CLUAP1: variants seen among roughly 807,000 people sequenced by gnomAD.
The protein encoded by CLUAP1 is clusterin-associated protein 1.
A neutral mutation model predicts 55.0 loss-of-function variants in CLUAP1; 50 were observed. The ratio of observed to expected loss-of-function variants is 0.91; its 90% CI spans 0.72 to 1.15. The LOEUF (loss-of-function observed/expected upper bound fraction) is 1.15. Ranked by LOEUF, CLUAP1 falls within the 50% of genes most tolerant of loss-of-function variation. The pLI is 0.00. For synonymous variants in CLUAP1, 195 were observed against 175.4 expected, an observed-to-expected ratio of 1.11 and a Z score of -0.88; for missense variants, 530 against 507.6, an observed-to-expected ratio of 1.04 and a Z score of -0.42.
At chr16:3,519,773 G>C in intron 6 of CLUAP1, 130 bp from the exon 7 acceptor site, 1 of 805,770 alleles carries the variant, frequency 1.2e-6, no homozygotes, top group Admixed American at 2.8e-5. Flanking sequence ...GCTTGGGGAA[G>C]TGTCTATTTG....
intron 6 of CLUAP1, among the ~76,000 whole-genome samples, chr16:3,518,366 C>T (rs2037768846): frequency 6.6e-6 from 1 of 152,168 alleles, no homozygotes; most frequent in Non-Finnish European, 1.5e-5. Context: ...TCTCTTAAGA[C>T]TCCTTTCATT....
upstream of CLUAP1, chr16:3,496,548 G>T: frequency 3.6e-6 from 2 of 550,854 alleles, no homozygotes; most frequent in East Asian, 4.8e-5. Flanking sequence ...GGCATCCTCA[G>T]GGTGGGGGCC....
At chr16:3,509,769 G>C (rs1260100808) in intron 4 of CLUAP1, 1 of 152,326 alleles carries the variant, frequency 6.6e-6, no homozygotes, top group Non-Finnish European at 1.5e-5. Context: ...AGGCCTGCTA[G>C]GTGAGGCCTT....
chr16:3,526,492 T>C lies in CLUAP1; in HGVS notation c.928+8T>C. 1.3e-6 allele frequency: 2 copies of C among 1,599,554 alleles called. No individual in the cohort carries two copies. Among genetic ancestry groups the C allele is most frequent in the Non-Finnish European group, 1.7e-6 (2 of 1,174,742 alleles). On this transcript the variant is annotated splice_region_variant and intron_variant, in intron 9 of 11. Transcript: ENST00000576634. The stretch of plus-strand genomic sequence containing the variant: ...GCCTGCTCAAGAGTGGAAGTAAGGC[T>C]GGGCTTCGTAGACGAGCAGTTTACT...
At chr16:3,502,891 A>G (rs147093723) in intron 1 of CLUAP1, among the ~76,000 whole-genome samples, 612 of 152,344 alleles carry the variant, frequency 4.0e-3, no homozygotes, top group Non-Finnish European at 6.0e-3. Context: ...TATTTTGACA[A>G]TAACACCGCA....
chr16:3,515,700 T>A (rs1466537213), intron 6 of CLUAP1, 109 bp downstream of exon 6: 6 of 635,584 alleles, frequency 9.4e-6, no homozygotes, highest in Non-Finnish European at 1.5e-5. Context: ...AAGGGATGTG[T>A]TAGTGGGGAA....
chr16:3,523,273 C>A lies in CLUAP1; in HGVS notation c.829C>A (p.His277Asn). 6.2e-7 allele frequency: 1 copy of A among 1,613,162 alleles called. No individual in the cohort carries two copies. Among genetic ancestry groups the A allele is most frequent in the South Asian group, 1.1e-5 (1 of 90,852 alleles). ...TYLEQQLEDH[H>N]RMEQERFEEA... ...TCTGGAACAACAGCTTGAAGACCAT[C>A]ATAGGATGGAGCAAGAAAGGTTTGA... is the stretch of plus-strand genomic sequence containing the variant. The change falls in exon 8 of 12, where the codon CAT (histidine) becomes AAT (asparagine). Residue 277 changes from histidine to asparagine, a missense_variant. Physicochemically the swap from His to Asn is moderately conservative, Grantham distance 68. Coordinates refer to ENST00000576634, the MANE Select transcript of CLUAP1 (RefSeq NM_015041.3).
upstream of CLUAP1, among the ~76,000 whole-genome samples, chr16:3,500,417 C>T (rs1413988398): frequency 6.7e-6 from 1 of 150,332 alleles, no homozygotes; most frequent in Non-Finnish European, 1.5e-5. Context: ...GTCGCCAGGC[C>T]GAAGGGCAGT....
chr16:3,505,497 A>T (rs1209906958), intron 2 of CLUAP1, among the ~76,000 whole-genome samples: 1 of 147,612 alleles, frequency 6.8e-6, no homozygotes, highest in Non-Finnish European at 1.5e-5. Context: ...CAGTGAGCCG[A>T]GATAGCGCCA....
chr16:3,505,546 CAAAAAAAAA>C (rs1230388490), intron 2 of CLUAP1, among the ~76,000 whole-genome samples: 1 of 59,618 alleles, frequency 1.7e-5, no homozygotes, highest in Non-Finnish European at 3.9e-5. Flanking sequence ...GACTCCGTCT[CAAAAAAAAA>C]AAAAAAAAAA....
At chr16:3,497,456 A>C (rs961211927), upstream of CLUAP1, among the ~76,000 whole-genome samples, 7 of 152,238 alleles carry the variant, frequency 4.6e-5, no homozygotes, top group Admixed American at 2.6e-4. Context: ...CATGGACTGA[A>C]GACTTAATAT....
At chr16:3,501,149 C>T (rs368038749) in intron 1 of CLUAP1, 60 bp downstream of exon 1, 3 of 1,512,110 alleles carry the variant, frequency 2.0e-6, no homozygotes, top group East Asian at 2.4e-5. Context: ...GGCTCCCGCC[C>T]GCCGGGTCCC....
intron 5 of CLUAP1, among the ~76,000 whole-genome samples, chr16:3,514,045 C>G (rs1567428966): frequency 6.6e-6 from 1 of 152,230 alleles, no homozygotes; most frequent in Non-Finnish European, 1.5e-5. Flanking sequence ...GAAACTGCCA[C>G]TGACATCTGC....
rs141496640 is a variant in CLUAP1, at chr16:3,525,077, G to A, written c.856-1335G>A. On this transcript the variant is annotated intron_variant, in intron 8 of 11. Coordinates refer to ENST00000576634, the MANE Select transcript of CLUAP1 (RefSeq NM_015041.3). The stretch of plus-strand genomic sequence containing the variant: ...CTAACTGGGAGTACCTAACGCATCC[G>A]TGTGGACACATGTCATCTTGACGAG... 6.3e-3 allele frequency among the ~76,000 whole-genome samples: 966 copies of A among 152,298 alleles called. 9 individuals are homozygous for A. Among genetic ancestry groups the A allele is most frequent in the African/African-American group, 0.021 (878 of 41,556 alleles).
chr16:3,531,560 C>G (rs2038120188), intron 10 of CLUAP1, among the ~76,000 whole-genome samples: 1 of 151,904 alleles, frequency 6.6e-6, no homozygotes, highest in African/African-American at 2.4e-5. Flanking sequence ...AAGACTCAGG[C>G]AACAAAATTT....
In CLUAP1 at chr16:3,529,644, TATATATTATTATATATTATATATTA is replaced by T. The variant is rs1335991610; in HGVS notation, c.929-923_929-899del. 3.6e-4 allele frequency among the ~76,000 whole-genome samples: 8 copies of T among 22,414 alleles called. No homozygotes were observed. In the East Asian group the frequency reaches 0.034, roughly 96 times the overall value. 14.7% of individuals were successfully genotyped at this position (22,414 alleles called of 152,430 possible). ...TTATATATTATATATTATTATATAT[TATATATTATTATATATTATATATTA>T]TTATATATTATATATTATTATATAT... On this transcript the variant is annotated intron_variant, in intron 9 of 11. Transcript: ENST00000576634.
chr16:3,514,919 G>A (rs55810616), intron 5 of CLUAP1, among the ~76,000 whole-genome samples: 4 of 152,220 alleles, frequency 2.6e-5, no homozygotes, highest in Non-Finnish European at 5.9e-5. Context: ...GATAGTCACA[G>A]ATGTCTCCCT....
At chr16:3,495,608 G>A in the CLUAP1 span, 2 of 1,281,648 alleles carry the variant, frequency 1.6e-6, no homozygotes, top group Non-Finnish European at 2.1e-6. Context: ...AGGGCAGGGT[G>A]AAAGAAAGGC....
At chr16:3,511,647 AG>A (rs1342419291) in intron 4 of CLUAP1, among the ~76,000 whole-genome samples, 1 of 152,200 alleles carries the variant, frequency 6.6e-6, no homozygotes, top group Non-Finnish European at 1.5e-5. Context: ...AAGTCCAAGT[AG>A]GAAGCACGTC....
Sources: gnomAD v4.1 joint callset for allele counts (sites outside exome capture counted in the v4.1 genomes callset) on GRCh38, gnomAD v4.1.1 for gene constraint, MANE v1.5 for transcripts, NCBI Gene and HGNC (gene_info 2026-07-23, HGNC 2026-07-21) for gene names.